CSMD2: variants seen among roughly 807,000 people sequenced by gnomAD.
CSMD2 encodes the protein CUB and sushi domain-containing protein 2.
Under a neutral mutation model 398.5 loss-of-function variants are expected in CSMD2, and 130 were observed. The ratio of observed to expected loss-of-function variants is 0.33; its 90% CI spans 0.28 to 0.38. CSMD2 has a LOEUF of 0.38. CSMD2 is among the 10% of genes least tolerant of loss of function. CSMD2 has a pLI of 1.00. For missense variants in CSMD2, 3,829 were observed against 4,764.9 expected (o/e 0.80, Z 5.78); for synonymous variants, 1,828 against 1,908.5 (o/e 0.96, Z 1.10).
chr1:33,752,159 A>T (rs1648338304), intron 13 of CSMD2, among the ~76,000 whole-genome samples: 1 of 135,558 alleles, frequency 7.4e-6, no homozygotes, highest in Non-Finnish European at 1.5e-5. Flanking sequence ...CATGTTAAGA[A>T]ACAAAACAAA....
chr1:33,852,275 T>C (rs1638766104), intron 5 of CSMD2, among the ~76,000 whole-genome samples: 1 of 152,196 alleles, frequency 6.6e-6, no homozygotes. Context: ...TGATCGATCT[T>C]CCATACTTTG....
At chr1:33,717,355 T>C (rs1646207484) in intron 19 of CSMD2, among the ~76,000 whole-genome samples, 1 of 151,872 alleles carries the variant, frequency 6.6e-6, no homozygotes, top group South Asian at 2.1e-4. Context: ...TGCTCTGCAC[T>C]GGGAGAGGAT....
In CSMD2 at chr1:33,559,493, T is replaced by C. The variant is rs1441944593; in HGVS notation, c.8381-20A>G. ...TAATTGCTGTAACCAAAACAGAAGA[T>C]AGGTAAGCCCTCCTACTATTCCACA... is the stretch of plus-strand genomic sequence containing the variant. On this transcript the variant is annotated intron_variant, in intron 53 of 70. Coordinates refer to ENST00000373381, the MANE Select transcript of CSMD2 (RefSeq NM_001281956.2). The surrounding 1 kb of genome is among the most constrained non-coding windows in gnomAD (Gnocchi z 4.0). The C allele has an allele frequency of 3.9e-6, 6 of 1,535,354 alleles. No homozygotes were observed. The Admixed American group carries it at 5.9e-5, about 15-fold the overall frequency.
At chr1:33,936,233 A>G (rs976821606) in intron 3 of CSMD2, among the ~76,000 whole-genome samples, 1 of 152,218 alleles carries the variant, frequency 6.6e-6, no homozygotes, top group African/African-American at 2.4e-5. Flanking sequence ...GCAGCCATGG[A>G]TGTGAATTAT....
At chr1:34,079,619 A>T (rs1178072782) in intron 2 of CSMD2, among the ~76,000 whole-genome samples, 4 of 152,198 alleles carry the variant, frequency 2.6e-5, no homozygotes, top group Non-Finnish European at 5.9e-5. Flanking sequence ...TAACTTTGGA[A>T]ACCAAGGAAT....
At chr1:33,696,028 C>T (rs1466847919) in intron 24 of CSMD2, among the ~76,000 whole-genome samples, 1 of 152,194 alleles carries the variant, frequency 6.6e-6, no homozygotes, top group Non-Finnish European at 1.5e-5. Flanking sequence ...CAGCAGGGAC[C>T]TTGTCTTATA....
At chr1:33,595,289 T>TTGCC (rs1212750969) in intron 44 of CSMD2, among the ~76,000 whole-genome samples, 3 of 152,214 alleles carry the variant, frequency 2.0e-5, no homozygotes, top group Non-Finnish European at 4.4e-5. Context: ...CAAGTTAGGT[T>TTGCC]TGCCTGGTGT....
chr1:33,713,445 G>A (rs1183801236), intron 21 of CSMD2, among the ~76,000 whole-genome samples: 1 of 152,178 alleles, frequency 6.6e-6, no homozygotes, highest in African/African-American at 2.4e-5. Flanking sequence ...AGTGAGCATG[G>A]AAAATACTCC....
chr1:33,736,794 T>C (rs748075158), intron 15 of CSMD2, among the ~76,000 whole-genome samples: 4 of 152,174 alleles, frequency 2.6e-5, no homozygotes, highest in Non-Finnish European at 5.9e-5. Context: ...GTAAATGTAA[T>C]AATGGTAAGA....
rs774631351 is a variant in CSMD2, at chr1:33,605,315, G to A, written c.6499C>T (p.Arg2167Trp). 6.2e-6 allele frequency: 10 copies of A among 1,614,018 alleles called. No individual in the cohort carries two copies. The highest frequency in any genetic ancestry group is 5.0e-5 in the Admixed American group (3 of 60,006). ...PVLTCQHGTN[R>W]NWDHPLPKCE... ...TTGGGCAGGGGGTGGTCCCAGTTCC[G>A]GTTGGTGCCATGTTGACACGTGAGG... The change falls in exon 42 of 71, where the codon CGG becomes TGG. Residue 2167 changes from arginine (R) to tryptophan (W), a missense_variant. This residue lies in a region of CSMD2 where 723 missense variants were observed against 758.6 expected (regional missense o/e 0.95). Transcript: ENST00000373381.
intron 4 of CSMD2, among the ~76,000 whole-genome samples, chr1:33,923,131 C>T (rs1038274159): frequency 4.6e-5 from 7 of 151,956 alleles, no homozygotes; most frequent in East Asian, 3.9e-4. Flanking sequence ...ATGGGGTATG[C>T]GTGTTATTTT....
At chr1:33,658,261 C>T (rs1016534749) in intron 26 of CSMD2, 124 bp from the exon 27 acceptor site, 23 of 690,900 alleles carry the variant, frequency 3.3e-5, no homozygotes, top group Middle Eastern at 4.1e-4. Flanking sequence ...AGAACCTCCC[C>T]ATCATCATCA....
At chr1:34,099,245 ATTCC>A (rs747903049) in intron 1 of CSMD2, among the ~76,000 whole-genome samples, 1 of 152,202 alleles carries the variant, frequency 6.6e-6, no homozygotes, top group Admixed American at 6.5e-5. Context: ...CATGCCATTA[ATTCC>A]TTCCTTCATT....
intron 24 of CSMD2, among the ~76,000 whole-genome samples, chr1:33,694,767 A>G (rs1337315483): frequency 6.6e-6 from 1 of 152,190 alleles, no homozygotes; most frequent in East Asian, 1.9e-4. Context: ...GTACACTGGT[A>G]AATAAAAATG....
chr1:33,899,305 A>G (rs1642601926), intron 5 of CSMD2, among the ~76,000 whole-genome samples: 1 of 152,210 alleles, frequency 6.6e-6, no homozygotes, highest in Non-Finnish European at 1.5e-5. Flanking sequence ...CCCCAGGGGG[A>G]AGAAGCTGAA....
At chr1:33,740,843 G>A (rs564440489) in intron 14 of CSMD2, among the ~76,000 whole-genome samples, 18 of 152,188 alleles carry the variant, frequency 1.2e-4, no homozygotes, top group Admixed American at 2.0e-4. Context: ...GCGTGCATGC[G>A]CACACACACA....
chr1:33,896,856 G>A lies in CSMD2; in HGVS notation c.920+21238C>T, dbSNP rs1294535413. Among the ~76,000 whole-genome samples the A allele has an allele frequency of 3.3e-5, 5 of 152,218 alleles. No homozygotes were observed. The South Asian group carries it at 1.0e-3, about 32-fold the overall frequency. ...GTCAGATGTGTGGATATCTCAGGGGGAGAGGATTCCAAGCAGAGGGGAAAG... is the reference window on the plus strand; with the variant it reads ...GTCAGATGTGTGGATATCTCAGGGGAAGAGGATTCCAAGCAGAGGGGAAAG... On this transcript the variant is annotated intron_variant, in intron 5 of 70. Coordinates refer to ENST00000373381, the MANE Select transcript of CSMD2 (RefSeq NM_001281956.2).
Position 33,612,924 on chromosome 1 carries a change from G to A in CSMD2, c.6133+1580C>T, listed in dbSNP as rs566904014. 2.0e-5 allele frequency among the ~76,000 whole-genome samples: 3 copies of A among 152,314 alleles called. No individual in the cohort carries two copies. The South Asian group carries it at 6.2e-4, about 32-fold the overall frequency. On this transcript the variant is annotated intron_variant, in intron 40 of 70. Transcript: ENST00000373381. ...CATCTTTGTATACATTATCTGAGGA[G>A]CCTGTGCTTTCCATTCCACTGCCCA...
chr1:33,583,874 T>C lies in CSMD2; in HGVS notation c.7052-44A>G, dbSNP rs766554027. 23 of 1,550,060 alleles carry C rather than the reference T, an allele frequency of 1.5e-5. No individual in the cohort carries two copies. The South Asian group carries it at 2.5e-4, about 17-fold the overall frequency. On this transcript the variant is annotated intron_variant, in intron 46 of 70. Transcript: ENST00000373381. The stretch of plus-strand genomic sequence containing the variant: ...AACACCAAGTACGTGGGGGTGGAGA[T>C]GGAACTACGGCCAATACATTTGCTT...
Sources: allele counts gnomAD v4.1 joint callset (sites outside exome capture counted in the v4.1 genomes callset), GRCh38; gene constraint gnomAD v4.1.1; regional missense constraint gnomAD v4.1.1; non-coding constraint Gnocchi (gnomAD v3.1); transcripts MANE v1.5; gene names NCBI Gene and HGNC (gene_info 2026-07-23, HGNC 2026-07-21).